Variants in NGF observed in about 807,000 individuals in gnomAD.
NGF encodes nerve growth factor.
Under a neutral mutation model 12.8 loss-of-function variants are expected in NGF, and 4 were observed. The ratio of observed to expected loss-of-function variants is 0.31; its 90% CI spans 0.15 to 0.72. The LOEUF is 0.72. NGF is among the 30% of genes least tolerant of loss of function. The probability of loss-of-function intolerance (pLI) is 0.69; values close to 1 mark genes in which losing one functional copy is unlikely to be tolerated. For missense variants in NGF, 283 were observed against 330.8 expected (o/e 0.86, Z 1.12); for synonymous variants, 140 against 130.0 (o/e 1.08, Z -0.52).
At chr1:115,337,471 G>A (rs866091095) in intron 1 of NGF, among the ~76,000 whole-genome samples, 1 of 151,884 alleles carries the variant, frequency 6.6e-6, no homozygotes, top group African/African-American at 2.4e-5. Context: ...ACACCTGGCA[G>A]CAGACAGCTG....
At chr1:115,325,712 T>A (rs757045848) in intron 1 of NGF, among the ~76,000 whole-genome samples, 14 of 151,728 alleles carry the variant, frequency 9.2e-5, no homozygotes, top group Non-Finnish European at 2.1e-4. Context: ...CAGGAAGAGG[T>A]CTAGATGAGA....
At chr1:115,334,227 T>G (rs1043529736) in intron 1 of NGF, among the ~76,000 whole-genome samples, 9 of 152,146 alleles carry the variant, frequency 5.9e-5, no homozygotes, top group African/African-American at 2.2e-4. Context: ...TGTGCACTCA[T>G]GTTGTATTAA....
At chr1:115,320,428 T>C (rs1054211165) in intron 1 of NGF, among the ~76,000 whole-genome samples, 5 of 152,188 alleles carry the variant, frequency 3.3e-5, no homozygotes, top group Non-Finnish European at 7.3e-5. Flanking sequence ...TAAGGTCTAC[T>C]TGAATACAAG....
chr1:115,322,092 C>T (rs1654646188), intron 1 of NGF, among the ~76,000 whole-genome samples: 1 of 152,142 alleles, frequency 6.6e-6, no homozygotes, highest in African/African-American at 2.4e-5. Context: ...GTTTTGGTAC[C>T]TTTGATCATA....
At chr1:115,324,329 C>T (rs1487632390) in intron 1 of NGF, among the ~76,000 whole-genome samples, 5 of 152,128 alleles carry the variant, frequency 3.3e-5, no homozygotes, top group African/African-American at 1.2e-4. Flanking sequence ...TCAGTCTCTG[C>T]CAGGCTACAT....
At chr1:115,291,948 C>T (rs771725896) in intron 2 of NGF, among the ~76,000 whole-genome samples, 1 of 152,008 alleles carries the variant, frequency 6.6e-6, no homozygotes, top group African/African-American at 2.4e-5. Flanking sequence ...AGATGGGATA[C>T]GTGAACCAGG....
At chr1:115,301,562 C>T (rs760791537) in intron 1 of NGF, among the ~76,000 whole-genome samples, 42 of 152,134 alleles carry the variant, frequency 2.8e-4, no homozygotes, top group Admixed American at 6.5e-5. Flanking sequence ...ATCCCATGCC[C>T]CCATCTGGCC....
chr1:115,319,822 C>T (rs1175542435), intron 1 of NGF, among the ~76,000 whole-genome samples: 1 of 152,172 alleles, frequency 6.6e-6, no homozygotes, highest in Non-Finnish European at 1.5e-5. Context: ...GCCTAGCAGC[C>T]TCAGCCAGGC....
At chr1:115,318,145 C>T (rs1343662009) in intron 1 of NGF, among the ~76,000 whole-genome samples, 1 of 152,148 alleles carries the variant, frequency 6.6e-6, no homozygotes, top group Non-Finnish European at 1.5e-5. Flanking sequence ...AAGCTAAGTC[C>T]TAAGGAAGCT....
chr1:115,306,130 C>T (rs1015957553), intron 1 of NGF, among the ~76,000 whole-genome samples: 48 of 152,062 alleles, frequency 3.2e-4, no homozygotes, highest in African/African-American at 1.1e-3. Context: ...ATTTTTAGTC[C>T]AAAACATACA....
chr1:115,314,793 C>T (rs989633880), intron 1 of NGF, among the ~76,000 whole-genome samples: 4 of 152,098 alleles, frequency 2.6e-5, no homozygotes, highest in African/African-American at 9.7e-5. Context: ...TTCTTGCTCT[C>T]AGGGAGCTTA....
chr1:115,336,029 C>T (rs1371929663), intron 1 of NGF, among the ~76,000 whole-genome samples: 2 of 152,184 alleles, frequency 1.3e-5, no homozygotes, highest in South Asian at 2.1e-4. Context: ...TTGTCCAAGG[C>T]ACAGATTTCT....
intron 1 of NGF, among the ~76,000 whole-genome samples, chr1:115,324,722 G>A (rs900470904): frequency 4.6e-5 from 7 of 152,144 alleles, no homozygotes; most frequent in African/African-American, 1.7e-4. Flanking sequence ...CTGGAGGAGT[G>A]GGGTACTCCG....
intron 1 of NGF, among the ~76,000 whole-genome samples, chr1:115,314,258 C>G (rs1009083464): frequency 1.3e-5 from 2 of 152,188 alleles, no homozygotes; most frequent in African/African-American, 4.8e-5. Context: ...CCAATCGACC[C>G]TTCTGTTGCT....
At chr1:115,310,439 G>A (rs1290273726) in intron 1 of NGF, among the ~76,000 whole-genome samples, 1 of 152,200 alleles carries the variant, frequency 6.6e-6, no homozygotes, top group Non-Finnish European at 1.5e-5. Flanking sequence ...CCATGGTGCT[G>A]AGCCTGGGCC....
intron 1 of NGF, among the ~76,000 whole-genome samples, chr1:115,306,386 C>T (rs538684694): frequency 6.6e-6 from 1 of 152,172 alleles, no homozygotes; most frequent in Non-Finnish European, 1.5e-5. Context: ...ATGCTCTCAG[C>T]AGTGAGTGCT....
intron 1 of NGF, among the ~76,000 whole-genome samples, chr1:115,333,728 TTC>T (rs1348541818): frequency 8.1e-6 from 1 of 123,278 alleles, no homozygotes; most frequent in Non-Finnish European, 1.6e-5. Flanking sequence ...CTTTCTTTCC[TTC>T]TTTCTTTCTT....
chr1:115,334,020 TC>T (rs1287053543), intron 1 of NGF, among the ~76,000 whole-genome samples: 2 of 152,050 alleles, frequency 1.3e-5, no homozygotes, highest in Non-Finnish European at 2.9e-5. Flanking sequence ...AACAAATAGT[TC>T]TATTTTCTGT....
chr1:115,291,114 T>A (rs982233095), intron 2 of NGF, among the ~76,000 whole-genome samples: 1 of 152,240 alleles, frequency 6.6e-6, no homozygotes, highest in Non-Finnish European at 1.5e-5. Context: ...ACAGGCAGAA[T>A]GTTTCATTAA....
Sources: gnomAD v4.1 joint callset for allele counts (sites outside exome capture counted in the v4.1 genomes callset) on GRCh38, gnomAD v4.1.1 for gene constraint, MANE v1.5 for transcripts, NCBI Gene and HGNC (gene_info 2026-07-23, HGNC 2026-07-21) for gene names.